Variants in SNTG1 observed in about 807,000 individuals in gnomAD.
SNTG1 encodes the protein gamma-1-syntrophin.
A neutral mutation model predicts 74.7 loss-of-function variants in SNTG1; 39 were observed. The observed-to-expected ratio is 0.52, with a 90% CI of 0.40 to 0.68. SNTG1 has a LOEUF of 0.68. Ranked by LOEUF, SNTG1 falls within the 30% of genes least tolerant of loss-of-function variation. The pLI, the probability that SNTG1 is intolerant of heterozygous loss-of-function variation, is 0.00. For synonymous variants in SNTG1, 254 were observed against 217.1 expected (o/e 1.17, Z -1.49); for missense variants, 685 against 609.5 (o/e 1.12, Z -1.30).
chr8:50,329,181 T>C (rs2090865929), intron 2 of SNTG1, among the ~76,000 whole-genome samples: 1 of 152,188 alleles, frequency 6.6e-6, no homozygotes, highest in Non-Finnish European at 1.5e-5. Flanking sequence ...CTCCCCTGGC[T>C]GCTTTCACAG....
intron 1 of SNTG1, among the ~76,000 whole-genome samples, chr8:49,916,996 G>T (rs1806099711): frequency 6.6e-6 from 1 of 151,688 alleles, no homozygotes; most frequent in Non-Finnish European, 1.5e-5. Context: ...CTGCACTCCA[G>T]CCTGAATGAG....
intron 2 of SNTG1, among the ~76,000 whole-genome samples, chr8:50,228,426 A>C (rs970398110): frequency 6.6e-6 from 1 of 151,950 alleles, no homozygotes; most frequent in Non-Finnish European, 1.5e-5. Flanking sequence ...ACAGATCCAA[A>C]ATGAACAATC....
At chr8:50,591,134 C>T (rs1308672472) in intron 13 of SNTG1, among the ~76,000 whole-genome samples, 1 of 151,918 alleles carries the variant, frequency 6.6e-6, no homozygotes, top group Non-Finnish European at 1.5e-5. Flanking sequence ...TTATCTAAGT[C>T]AAAAATTATT....
At chr8:50,452,132 T>C (rs1482572649) in intron 8 of SNTG1, among the ~76,000 whole-genome samples, 2 of 152,180 alleles carry the variant, frequency 1.3e-5, no homozygotes, top group Non-Finnish European at 2.9e-5. Context: ...GGTTTTTAAT[T>C]AGGAACACTT....
chr8:50,076,879 C>A lies in SNTG1; in HGVS notation c.-102-95682C>A, dbSNP rs923166217. 7.2e-5 allele frequency among the ~76,000 whole-genome samples: 11 copies of A among 152,194 alleles called. 1 individual carries two copies. Among genetic ancestry groups the A allele is most frequent in the African/African-American group, 2.4e-4 (10 of 41,526 alleles). On this transcript the variant is annotated intron_variant, in intron 1 of 18. Coordinates refer to ENST00000642720, the MANE Select transcript of SNTG1 (RefSeq NM_018967.5). Reference sequence around the variant, plus strand: ...TTTATTTTAGTGTGTTTTTAAAAAACATTTAAGTAGATTTAAGTTAAAATT... The same window carrying A: ...TTTATTTTAGTGTGTTTTTAAAAAAAATTTAAGTAGATTTAAGTTAAAATT...
chr8:50,390,585 G>C (rs1320633883), intron 2 of SNTG1, among the ~76,000 whole-genome samples: 3 of 152,290 alleles, frequency 2.0e-5, no homozygotes, highest in African/African-American at 7.2e-5. Flanking sequence ...CTTCAAAGTA[G>C]TTTTTCCCAA....
intron 1 of SNTG1, among the ~76,000 whole-genome samples, chr8:49,970,158 A>C (rs1203096418): frequency 6.6e-6 from 1 of 152,154 alleles, no homozygotes; most frequent in Admixed American, 6.5e-5. Context: ...TGACAACTCC[A>C]GTAATATCTC....
At chr8:50,507,443 C>G (rs1447380073) in intron 9 of SNTG1, among the ~76,000 whole-genome samples, 4 of 152,002 alleles carry the variant, frequency 2.6e-5, no homozygotes, top group Non-Finnish European at 5.9e-5. Flanking sequence ...TACAGTAAAA[C>G]CATCTGGTCA....
intron 1 of SNTG1, among the ~76,000 whole-genome samples, chr8:50,107,270 T>C (rs962849201): frequency 6.6e-6 from 1 of 152,154 alleles, no homozygotes; most frequent in Non-Finnish European, 1.5e-5. Context: ...AAGAATAAGG[T>C]ATGGACCTTT....
intron 13 of SNTG1, among the ~76,000 whole-genome samples, chr8:50,614,480 A>C (rs1017619204): frequency 6.6e-6 from 1 of 152,092 alleles, no homozygotes; most frequent in Non-Finnish European, 1.5e-5. Context: ...AAAAAAAAGA[A>C]ATTGGATATC....
intron 1 of SNTG1, among the ~76,000 whole-genome samples, chr8:50,142,083 T>C (rs2081679205): frequency 2.0e-5 from 3 of 152,174 alleles, no homozygotes; most frequent in South Asian, 4.1e-4. Context: ...TGGGTCACTA[T>C]AATTGTGTAT....
intron 18 of SNTG1, among the ~76,000 whole-genome samples, chr8:50,770,749 G>T (rs1349612974): frequency 6.6e-6 from 1 of 152,076 alleles, no homozygotes; most frequent in Non-Finnish European, 1.5e-5. Context: ...TCTTGTGGGA[G>T]TGGGTGAGTT....
At chr8:50,664,169 T>A (rs1457280063) in intron 15 of SNTG1, among the ~76,000 whole-genome samples, 1 of 152,154 alleles carries the variant, frequency 6.6e-6, no homozygotes, top group Non-Finnish European at 1.5e-5. Flanking sequence ...AGTTTGGCTA[T>A]TTTTTTAGAA....
intron 1 of SNTG1, among the ~76,000 whole-genome samples, chr8:50,044,249 G>C (rs567413722): frequency 6.6e-6 from 1 of 152,160 alleles, no homozygotes; most frequent in Non-Finnish European, 1.5e-5. Context: ...GTGTTTCTAA[G>C]TTGCCATCAC....
chr8:49,987,121 A>G (rs931349383), intron 1 of SNTG1, among the ~76,000 whole-genome samples: 1 of 152,194 alleles, frequency 6.6e-6, no homozygotes, highest in African/African-American at 2.4e-5. Context: ...CCATGAGGAG[A>G]TACTTCCAAT....
intron 1 of SNTG1, among the ~76,000 whole-genome samples, chr8:49,954,301 T>A (rs1253046750): frequency 2.0e-5 from 3 of 152,182 alleles, no homozygotes; most frequent in Non-Finnish European, 4.4e-5. Flanking sequence ...AGATGTCAAG[T>A]AGCTAAATGG....
At chr8:50,419,142 A>G (rs2093050141) in intron 4 of SNTG1, among the ~76,000 whole-genome samples, 1 of 152,160 alleles carries the variant, frequency 6.6e-6, no homozygotes, top group African/African-American at 2.4e-5. Flanking sequence ...CAGATTGGTT[A>G]CAGGAGAAGC....
intron 17 of SNTG1, among the ~76,000 whole-genome samples, chr8:50,749,058 G>T (rs985729875): frequency 1.3e-5 from 2 of 152,032 alleles, no homozygotes; most frequent in Middle Eastern, 3.2e-3. Flanking sequence ...TAAAAGCTGG[G>T]CCTCCTGTGA....
intron 9 of SNTG1, among the ~76,000 whole-genome samples, chr8:50,512,938 G>C (rs894551338): frequency 6.6e-6 from 1 of 152,096 alleles, no homozygotes; most frequent in African/African-American, 2.4e-5. Context: ...TCTCAATCCA[G>C]CTTTGTTCTG....
Sources: gnomAD v4.1 joint callset for allele counts (sites outside exome capture counted in the v4.1 genomes callset) on GRCh38, gnomAD v4.1.1 for gene constraint, MANE v1.5 for transcripts, NCBI Gene and HGNC (gene_info 2026-07-23, HGNC 2026-07-21) for gene names.